Variants in DIMT1 observed in about 807,000 individuals in gnomAD.
The protein encoded by DIMT1 is dimethyladenosine transferase.
Under a neutral mutation model 43.2 loss-of-function variants are expected in DIMT1, and 36 were observed. The ratio of observed to expected loss-of-function variants is 0.83; its 90% CI spans 0.64 to 1.10. The LOEUF is 1.10. Among genes scored for constraint, DIMT1 ranks in the 50% least tolerant of loss-of-function variants. The probability of loss-of-function intolerance (pLI) is 0.00; values close to 1 mark genes in which losing one functional copy is unlikely to be tolerated. For synonymous variants in DIMT1, 126 were observed against 130.3 expected (o/e 0.97, Z 0.22); for missense variants, 341 against 385.3 (o/e 0.88, Z 0.96).
intron 6 of DIMT1, among the ~76,000 whole-genome samples, chr5:62,397,956 C>G (rs1009943879): frequency 3.3e-5 from 5 of 152,092 alleles, no homozygotes; most frequent in African/African-American, 1.2e-4. Context: ...TGTAAAGCAT[C>G]AATGATTTCA....
chr5:62,394,667 A>G, intron 6 of DIMT1, 60 bp from the exon 7 acceptor site: 2 of 1,602,906 alleles, frequency 1.2e-6, no homozygotes, highest in Non-Finnish European at 1.7e-6. Context: ...AATGAATTTT[A>G]ACTGCAATGA....
At position 62,391,997 on chromosome 5, in the gene DIMT1, C is replaced by T. The variant is rs1742319938; in HGVS notation, c.792+174G>A. 6 of 1,543,008 alleles carry T rather than the reference C, an allele frequency of 3.9e-6. No individual in the cohort carries two copies. The East Asian group carries it at 1.5e-4, about 38-fold the overall frequency. On this transcript the variant is annotated intron_variant, in intron 10 of 11. Coordinates refer to ENST00000199320, the MANE Select transcript of DIMT1 (RefSeq NM_014473.4). ...CATATCTGTTTCACAGGATACACAG[C>T]AGCACTGACCTGTCAGAATTCAAGT...
rs775533413 is a variant in DIMT1 at position 62,389,485 on chromosome 5, CAAAAA to C, written c.900-438_900-434del. On this transcript the variant is annotated intron_variant, in intron 11 of 11. Coordinates refer to ENST00000199320, the MANE Select transcript of DIMT1 (RefSeq NM_014473.4). The stretch of plus-strand genomic sequence containing the variant: ...TGGGTGACAGAGCAAGACTCTGTCT[CAAAAA>C]AAAAAAAAAAAGAAATGTTATTGTC... 1.3e-4 allele frequency among the ~76,000 whole-genome samples: 10 copies of C among 75,920 alleles called. 1 individual carries two copies. The highest frequency in any genetic ancestry group is 4.5e-4 in the South Asian group (1 of 2,212). 49.8% of individuals were successfully genotyped at this position (75,920 alleles called of 152,430 possible).
chr5:62,401,324 C>T (rs1742695149), intron 3 of DIMT1, among the ~76,000 whole-genome samples: 1 of 151,562 alleles, frequency 6.6e-6, no homozygotes, highest in Non-Finnish European at 1.5e-5. Context: ...GGTGAAACCG[C>T]ATCTCTACTA....
rs1312522282 is a variant in DIMT1 at position 62,403,588 on chromosome 5, G to A, written c.79+106C>T. 12 of 1,348,200 alleles carry A rather than the reference G, an allele frequency of 8.9e-6. No individual in the cohort carries two copies. In the East Asian group the frequency reaches 3.0e-4, roughly 34 times the overall value. 83.5% of individuals were successfully genotyped at this position (1,348,200 alleles called of 1,614,324 possible). A position where few individuals can be genotyped will look rare whatever the true frequency, so the allele number is the denominator to read the frequency against. ...CCCTGCCTTCCGCGCTCACGGGAGC[G>A]CGTCCTGACCGGCCTCTGCCGATCA... On this transcript the variant is annotated intron_variant, in intron 1 of 11. Transcript: ENST00000199320.
intron 6 of DIMT1, among the ~76,000 whole-genome samples, chr5:62,397,712 GATCTCGGCTCACTGCA>G (rs1283516404): frequency 6.6e-6 from 1 of 151,706 alleles, no homozygotes; most frequent in East Asian, 1.9e-4. Context: ...GCAGTGGCGC[GATCTCGGCTCACTGCA>G]AGCTCCGCCT....
At chr5:62,403,247 C>T in intron 2 of DIMT1, 26 bp downstream of exon 2, 2 of 1,601,550 alleles carry the variant, frequency 1.2e-6, no homozygotes, top group Non-Finnish European at 1.7e-6. Flanking sequence ...ACCAACAACT[C>T]TCTCCCTTTC....
intron 6 of DIMT1, among the ~76,000 whole-genome samples, chr5:62,397,510 A>G (rs1218896473): frequency 6.6e-6 from 1 of 152,218 alleles, no homozygotes; most frequent in African/African-American, 2.4e-5. Context: ...CACTTAGGGA[A>G]CAAACAAGAT....
At chr5:62,395,654 G>C (rs1445278670) in intron 6 of DIMT1, among the ~76,000 whole-genome samples, 2 of 152,120 alleles carry the variant, frequency 1.3e-5, no homozygotes, top group South Asian at 2.1e-4. Flanking sequence ...CAGTTTGAAA[G>C]CCACTAGTAT....
At chr5:62,390,367 G>C (rs2112032290) in intron 11 of DIMT1, among the ~76,000 whole-genome samples, 1 of 152,290 alleles carries the variant, frequency 6.6e-6, no homozygotes, top group East Asian at 1.9e-4. Context: ...TGTAGAACTT[G>C]CTTCAGGCTA....
chr5:62,388,782 A>C lies in DIMT1; in HGVS notation c.*228T>G. On this transcript the variant is annotated 3_prime_UTR_variant, in exon 12 of 12. Transcript: ENST00000199320. ...GCGTCTCTGCGGCTCCTGAACTTGA[A>C]GATTATTATGAATAGATTGGACCAG... The C allele has an allele frequency of 1.8e-6, 1 of 546,504 alleles. No individual in the cohort carries two copies. Among genetic ancestry groups the C allele is most frequent in the Non-Finnish European group, 3.3e-6 (1 of 305,022 alleles). 33.9% of individuals were successfully genotyped at this position (546,504 alleles called of 1,614,324 possible). A position where few individuals can be genotyped will look rare whatever the true frequency, so the allele number is the denominator to read the frequency against.
chr5:62,401,170 G>C (rs1742686734), intron 3 of DIMT1, among the ~76,000 whole-genome samples: 1 of 152,144 alleles, frequency 6.6e-6, no homozygotes, highest in Admixed American at 6.6e-5. Context: ...AGGGTACAAA[G>C]GGGAGGCGTT....
At position 62,403,747 on chromosome 5, in the gene DIMT1, A is replaced by G. The variant is rs954807416; in HGVS notation, c.26T>C (p.Ile9Thr). ...CTCCTGCCGCCCGCGGCGGCGGCCG[A>G]TGGCCCCCGACTTGACCTTCGGCAT... MPKVKSGAIGRRRGRQEQR... is the reference protein window; with the variant it reads MPKVKSGATGRRRGRQEQR... The change falls in exon 1 of 12, where the codon ATC becomes ACC. Residue 9 changes from isoleucine to threonine, a missense_variant. Physicochemically the swap from Ile to Thr is moderately conservative, Grantham distance 89. Coordinates refer to ENST00000199320, the MANE Select transcript of DIMT1 (RefSeq NM_014473.4). 3 of 1,610,064 alleles carry G rather than the reference A, an allele frequency of 1.9e-6. No individual in the cohort carries two copies. The highest frequency in any genetic ancestry group is 2.5e-6 in the Non-Finnish European group (3 of 1,178,820).
At chr5:62,394,377 G>T in intron 7 of DIMT1, 107 bp downstream of exon 7, 1 of 1,211,778 alleles carries the variant, frequency 8.3e-7, no homozygotes, top group African/African-American at 1.5e-5. Context: ...CGAGAAGATT[G>T]CTTGAGTATG....
chr5:62,392,537 CTG>C lies in DIMT1; in HGVS notation c.729-305_729-304del, dbSNP rs139146143. Among the ~76,000 whole-genome samples, 794 of 152,200 alleles carry C rather than the reference CTG, an allele frequency of 5.2e-3. 5 individuals carry two copies. Among genetic ancestry groups the C allele is most frequent in the Middle Eastern group, 0.01 (3 of 294 alleles). On this transcript the variant is annotated intron_variant, in intron 9 of 11. Transcript: ENST00000199320. ...AAAAAAATCTCCAAGCCCTGTAAAACTGTGTCTCACCTCTCTTTTACCCTTGA... is the reference window on the plus strand; with the variant it reads ...AAAAAAATCTCCAAGCCCTGTAAAACTGTCTCACCTCTCTTTTACCCTTGA...
intron 8 of DIMT1, 109 bp from the exon 9 acceptor site, chr5:62,393,099 G>T: frequency 1.6e-6 from 1 of 609,262 alleles, no homozygotes; most frequent in Non-Finnish European, 2.7e-6. Context: ...GAAACTTTCT[G>T]AAGTGAAGAA....
Position 62,403,277 on chromosome 5 carries a change from T to C in DIMT1, c.149A>G (p.Asp50Gly), listed in dbSNP as rs780350672. ...CCTTTCCTCTTCCACACCCACCTTA[T>C]CGATAATGCTGTTAATAATGAGAGG... is the stretch of plus-strand genomic sequence containing the variant. ...KNPLIINSII[D>G]KAALRPTDVV... The change falls in exon 2 of 12, where the codon GAT becomes GGT. Residue 50 changes from aspartate to glycine, a missense_variant. By Grantham distance (94) the Asp-to-Gly change is moderately conservative (BLOSUM62 -1). Coordinates refer to ENST00000199320, the MANE Select transcript of DIMT1 (RefSeq NM_014473.4). The C allele has an allele frequency of 8.7e-6, 14 of 1,613,476 alleles. No individual in the cohort carries two copies. Among genetic ancestry groups the C allele is most frequent in the Non-Finnish European group, 1.2e-5 (14 of 1,179,468 alleles).
rs933089046 is a variant in DIMT1 at position 62,387,646 on chromosome 5, A to G, written c.*1364T>C. The G allele has an allele frequency of 6.6e-6, 1 of 152,200 alleles. No homozygotes were observed. Among genetic ancestry groups the G allele is most frequent in the Non-Finnish European group, 1.5e-5 (1 of 68,032 alleles). 9.4% of individuals were successfully genotyped at this position (152,200 alleles called of 1,614,324 possible). Reference sequence around the variant, plus strand: ...CTCAGCAGTTCATAGGGGTAGAGGGAAATAACCTGAGAAAGCCGAGTTAAA... The same window carrying G: ...CTCAGCAGTTCATAGGGGTAGAGGGGAATAACCTGAGAAAGCCGAGTTAAA... On this transcript the variant is annotated 3_prime_UTR_variant, in exon 12 of 12. Transcript: ENST00000199320.
Position 62,403,313 on chromosome 5 carries a change from A to T in DIMT1, c.113T>A (p.Ile38Asn), listed in dbSNP as rs1742776536. Residue 38 changes from isoleucine (I) to asparagine (N), a missense_variant, in exon 2 of 12, where the codon ATT becomes AAT. Physicochemically the swap from Ile to Asn is moderately radical, Grantham distance 149. Coordinates refer to ENST00000199320, the MANE Select transcript of DIMT1 (RefSeq NM_014473.4). ...GTTAATAATGAGAGGATTTTTCAAAATGTGCTGCCCAATCCCCGTGTTGAA... is the reference window on the plus strand; with the variant it reads ...GTTAATAATGAGAGGATTTTTCAAATTGTGCTGCCCAATCCCCGTGTTGAA... ...LMFNTGIGQH[I>N]LKNPLIINSI... 6.2e-7 allele frequency: 1 copy of T among 1,614,016 alleles called. No homozygotes were observed. Among genetic ancestry groups the T allele is most frequent in the Non-Finnish European group, 8.5e-7 (1 of 1,179,892 alleles).
Sources: gnomAD v4.1 joint callset for allele counts (sites outside exome capture counted in the v4.1 genomes callset) on GRCh38, gnomAD v4.1.1 for gene constraint, MANE v1.5 for transcripts, NCBI Gene and HGNC (gene_info 2026-07-23, HGNC 2026-07-21) for gene names.